Variants in MYH16 observed in about 807,000 individuals in gnomAD.
The protein encoded by MYH16 is putative uncharacterized protein MYH16.
At chr7:99,296,792 T>G (rs1584358526) in exon 34 of MYH16, 1 of 456,454 alleles carries the variant, frequency 2.2e-6, no homozygotes, top group Non-Finnish European at 4.4e-6. Context: ...GAGTTGCAGG[T>G]GGAAGTGGAC....
chr7:99,266,077 G>T (rs1275293225), intron 17 of MYH16, among the ~76,000 whole-genome samples: 1 of 152,102 alleles, frequency 6.6e-6, no homozygotes, highest in Non-Finnish European at 1.5e-5. Flanking sequence ...CCAGACATGC[G>T]CTCAGACAGC....
intron 38 of MYH16, among the ~76,000 whole-genome samples, chr7:99,302,810 G>A (rs1792620162): frequency 6.6e-6 from 1 of 151,344 alleles, no homozygotes; most frequent in Non-Finnish European, 1.5e-5. Flanking sequence ...GAGCCTAAGA[G>A]ATTGAGGCCG....
exon 32 of MYH16, chr7:99,292,497 G>T: frequency 2.1e-6 from 1 of 468,058 alleles, no homozygotes. Flanking sequence ...CAGAGGAGCT[G>T]GAGGAGACCA....
rs57166125 is a variant in MYH16, at chr7:99,290,486, CAAA to C, written n.3825-817_3825-815del. Among the ~76,000 whole-genome samples the C allele has an allele frequency of 1.2e-3, 64 of 55,524 alleles. 1 individual carries two copies. The highest frequency in any genetic ancestry group is 3.6e-3 in the African/African-American group (61 of 17,180). The allele number at this position is 55,524 out of a possible 152,430, so 36.4% of individuals were successfully genotyped here. A position where few individuals can be genotyped will look rare whatever the true frequency, so the allele number is the denominator to read the frequency against. ...TGGGCAACAGAGCAGGACCCTGTCT[CAAA>C]AAAAAAAAAAAAAAAAAAATCAATA... On this transcript the variant is annotated intron_variant and non_coding_transcript_variant, in intron 30 of 41. Coordinates refer to ENST00000439784, the Ensembl canonical transcript of MYH16.
At chr7:99,289,294 C>G (rs1299701960) in exon 30 of MYH16, 1 of 426,610 alleles carries the variant, frequency 2.3e-6, no homozygotes, top group Non-Finnish European at 4.7e-6. Context: ...CAGATGAACG[C>G]CGAGGCCCAC....
Position 99,262,620 on chromosome 7 carries a change from T to C in MYH16, n.1756-714T>C, listed in dbSNP as rs73407270. ...GATGGCAAACCCAGAAGTTCTGGCA[T>C]CTCCTCTACTTACCTCACTTCTCTG... On this transcript the variant is annotated intron_variant and non_coding_transcript_variant, in intron 13 of 41. Coordinates refer to ENST00000439784, the Ensembl canonical transcript of MYH16. 6.4e-3 allele frequency among the ~76,000 whole-genome samples: 980 copies of C among 152,330 alleles called. 17 individuals carry two copies. Among genetic ancestry groups the C allele is most frequent in the African/African-American group, 0.023 (941 of 41,578 alleles).
chr7:99,282,357 A>C (rs1792210597), intron 23 of MYH16, among the ~76,000 whole-genome samples: 1 of 152,222 alleles, frequency 6.6e-6, no homozygotes, highest in South Asian at 2.1e-4. Flanking sequence ...AAGTTGCCAT[A>C]AACACTGAAT....
downstream of MYH16, among the ~76,000 whole-genome samples, chr7:99,307,875 C>T (rs1181564342): frequency 6.6e-6 from 1 of 151,956 alleles, no homozygotes; most frequent in East Asian, 2.0e-4. Context: ...ACCACCATGC[C>T]CAGCTAATTT....
At chr7:99,281,595 T>C (rs549831903) in intron 23 of MYH16, among the ~76,000 whole-genome samples, 1 of 152,040 alleles carries the variant, frequency 6.6e-6, no homozygotes, top group South Asian at 2.1e-4. Context: ...ATGAGTTAGG[T>C]TGGGCCCATG....
intron 11 of MYH16, chr7:99,258,538 A>G (rs1466966962): frequency 6.6e-6 from 1 of 152,268 alleles, no homozygotes; most frequent in African/African-American, 2.4e-5. Context: ...TGGATCTCTG[A>G]CTTTTGGACT....
downstream of MYH16, among the ~76,000 whole-genome samples, chr7:99,309,542 T>C (rs565889713): frequency 9.2e-5 from 14 of 152,342 alleles, no homozygotes; most frequent in South Asian, 6.2e-4. Context: ...TCTGCATTAA[T>C]GTGTTTTACC....
chr7:99,240,607 T>C (rs1207094875), intron 1 of MYH16, among the ~76,000 whole-genome samples: 2 of 152,242 alleles, frequency 1.3e-5, no homozygotes, highest in East Asian at 1.9e-4. Flanking sequence ...TCCCAGCACT[T>C]TGGGAGGCCG....
At chr7:99,296,899 G>A in exon 34 of MYH16, 3 of 457,116 alleles carry the variant, frequency 6.6e-6, no homozygotes, top group South Asian at 1.5e-5. Flanking sequence ...CGTGAAGAAG[G>A]AGAATAAGAC....
chr7:99,283,988 C>A (rs1792241094), exon 25 of MYH16: 1 of 454,480 alleles, frequency 2.2e-6, no homozygotes, highest in African/African-American at 2.0e-5. Context: ...ATGGAGCGTT[C>A]CAAGCTGGAT....
intron 1 of MYH16, among the ~76,000 whole-genome samples, chr7:99,241,664 G>T (rs1442938715): frequency 6.6e-6 from 1 of 152,076 alleles, no homozygotes; most frequent in African/African-American, 2.4e-5. Context: ...GGGGAGTGGG[G>T]GTGGATTTTC....
At chr7:99,282,245 C>T (rs550151962) in intron 23 of MYH16, among the ~76,000 whole-genome samples, 2 of 152,224 alleles carry the variant, frequency 1.3e-5, no homozygotes, top group Admixed American at 1.3e-4. Flanking sequence ...AGGCAGGCCT[C>T]GAACTCCTGA....
intron 9 of MYH16, among the ~76,000 whole-genome samples, chr7:99,256,090 G>A (rs947738445): frequency 2.0e-5 from 3 of 151,732 alleles, no homozygotes; most frequent in African/African-American, 7.3e-5. Context: ...CAACAGAATC[G>A]ATTCCTGATT....
At chr7:99,241,993 TG>T (rs1304961297) in intron 1 of MYH16, among the ~76,000 whole-genome samples, 3 of 151,984 alleles carry the variant, frequency 2.0e-5, no homozygotes, top group Non-Finnish European at 2.9e-5. Context: ...CCCAAGTAGC[TG>T]GGGTTACAAG....
At chr7:99,291,368 G>A (rs1408649364) in exon 31 of MYH16, 8 of 456,682 alleles carry the variant, frequency 1.8e-5, no homozygotes, top group East Asian at 6.9e-5. Flanking sequence ...TCCCAGAGCC[G>A]GCTCAATCAA....
Sources: gnomAD v4.1 joint callset for allele counts (sites outside exome capture counted in the v4.1 genomes callset) on GRCh38, gnomAD v4.1.1 for gene constraint, MANE v1.5 for transcripts, NCBI Gene and HGNC (gene_info 2026-07-23, HGNC 2026-07-21) for gene names.